AHNAK: variants seen among roughly 807,000 people sequenced by gnomAD.
The protein encoded by AHNAK is neuroblast differentiation-associated protein AHNAK.
A neutral mutation model predicts 37.8 loss-of-function variants in AHNAK; 23 were observed. The observed-to-expected ratio is 0.61, with a 90% CI of 0.44 to 0.86. AHNAK has a LOEUF of 0.86. Ranked by LOEUF, AHNAK falls within the 40% of genes least tolerant of loss-of-function variation. The pLI, the probability that AHNAK is intolerant of heterozygous loss-of-function variation, is 0.00. For missense variants in AHNAK, 7,411 were observed against 7,319.4 expected, an observed-to-expected ratio of 1.01 and a Z score of -0.46; for synonymous variants, 2,481 against 2,636.3, an observed-to-expected ratio of 0.94 and a Z score of 1.80.
At chr11:62,439,665 ATTTT>A (rs34334316) in intron 5 of AHNAK, among the ~76,000 whole-genome samples, 23 of 83,300 alleles carry the variant, frequency 2.8e-4, no homozygotes, top group African/African-American at 7.4e-4. Flanking sequence ...TTTTTGTGTG[ATTTT>A]TTTTTTTTTT....
chr11:62,521,575 T>G lies in AHNAK; in HGVS notation c.12842A>C (p.Lys4281Thr). The G allele has an allele frequency of 1.9e-6, 3 of 1,611,412 alleles. No homozygotes were observed. The highest frequency in any genetic ancestry group is 2.5e-6 in the Non-Finnish European group (3 of 1,179,290). Reference sequence around the variant, plus strand: ...TGGGCCCTTGAGGTCACCTTCCACTTTAGGAAGGGAAACATCCACATCACC... The same window carrying G: ...TGGGCCCTTGAGGTCACCTTCCACTGTAGGAAGGGAAACATCCACATCACC... ...VKGDVDVSLPKVEGDLKGPEV... is the reference protein window; with the variant it reads ...VKGDVDVSLPTVEGDLKGPEV... The change falls in exon 5 of 5, where the codon AAA (lysine) becomes ACA (threonine). Residue 4281 changes from lysine (K) to threonine (T), a missense_variant. By Grantham distance (78) the Lys-to-Thr change is moderately conservative. Transcript: ENST00000378024.
Position 62,517,326 on chromosome 11 carries a change from G to T in AHNAK, c.17091C>A (p.Asp5697Glu). Reference protein sequence around the residue: ...AEASIQAGAGDGEWEESEVKL... With the variant: ...AEASIQAGAGEGEWEESEVKL... The stretch of plus-strand genomic sequence containing the variant: ...TGACTTCAGACTCTTCCCACTCGCC[G>T]TCTCCAGCACCAGCTTGGATGCTGG... Residue 5697 changes from aspartate to glutamate, a missense_variant, in exon 5 of 5, where the codon GAC (aspartate) becomes GAA (glutamate). Transcript: ENST00000378024. 6.2e-7 allele frequency: 1 copy of T among 1,614,142 alleles called. No individual in the cohort carries two copies.
intron 5 of AHNAK, among the ~76,000 whole-genome samples, chr11:62,455,351 T>G (rs1366414466): frequency 6.6e-6 from 1 of 152,012 alleles, no homozygotes; most frequent in South Asian, 2.1e-4. Context: ...CTGGGCTGAC[T>G]GGCAGCGCAG....
In AHNAK at chr11:62,532,609, A is replaced by C. The variant is rs1342252586; in HGVS notation, c.1808T>G (p.Val603Gly). Reference sequence around the variant, plus strand: ...ATCCACTTTGGGGCCTCTGACATCAACTTCAGGGACTTTGACTTTCCCTTC... The same window carrying C: ...ATCCACTTTGGGGCCTCTGACATCACCTTCAGGGACTTTGACTTTCCCTTC... ...RVEGKVKVPEVDVRGPKVDVS... is the reference protein window; with the variant it reads ...RVEGKVKVPEGDVRGPKVDVS... Residue 603 changes from valine to glycine, a missense_variant, in exon 5 of 5, where the codon GTT (valine) becomes GGT (glycine). Val to Gly is a moderately radical substitution (Grantham distance 109, BLOSUM62 -3). Coordinates refer to ENST00000378024, the MANE Select transcript of AHNAK (RefSeq NM_001620.3). The C allele has an allele frequency of 2.5e-6, 4 of 1,614,068 alleles. No homozygotes were observed. The highest frequency in any genetic ancestry group is 3.4e-6 in the Non-Finnish European group (4 of 1,180,010).
chr11:62,441,751 C>G (rs1938310930), intron 5 of AHNAK, among the ~76,000 whole-genome samples: 1 of 152,102 alleles, frequency 6.6e-6, no homozygotes, highest in Admixed American at 6.6e-5. Context: ...ATCCACCCAC[C>G]TCGGCCTCCC....
chr11:62,530,350 T>G lies in AHNAK; in HGVS notation c.4067A>C (p.Asp1356Ala). Residue 1356 changes from aspartate to alanine, a missense_variant, in exon 5 of 5, where the codon GAT (aspartate) becomes GCT (alanine). Physicochemically the swap from Asp to Ala is moderately radical, Grantham distance 126. Transcript: ENST00000378024. The stretch of plus-strand genomic sequence containing the variant: ...AACTTTGGGCCCTTTAATGTCAACA[T>G]CTGGCACTTTCATTTCACCTTCTAC... Reference protein sequence around the residue: ...PEVEGEMKVPDVDIKGPKVDI... With the variant: ...PEVEGEMKVPAVDIKGPKVDI... 2 of 1,613,890 alleles carry G rather than the reference T, an allele frequency of 1.2e-6. No individual in the cohort carries two copies. Among genetic ancestry groups the G allele is most frequent in the Non-Finnish European group, 1.7e-6 (2 of 1,179,992 alleles).
intron 5 of AHNAK, among the ~76,000 whole-genome samples, chr11:62,438,577 A>G (rs941218509): frequency 6.6e-6 from 1 of 152,040 alleles, no homozygotes; most frequent in Non-Finnish European, 1.5e-5. Context: ...AGACATATGT[A>G]TTGCAGATAT....
intron 5 of AHNAK, among the ~76,000 whole-genome samples, chr11:62,469,373 C>G (rs1938982318): frequency 6.6e-6 from 1 of 152,232 alleles, no homozygotes; most frequent in African/African-American, 2.4e-5. Flanking sequence ...CCACCTGCCT[C>G]AGCCTCCCAA....
Position 62,531,754 on chromosome 11 carries a change from G to C in AHNAK, c.2663C>G (p.Pro888Arg), listed in dbSNP as rs376883340. ...TTCTGGGCCCTCTGCTTTGAAGCCA[G>C]GCATGCTGAACTTGGGCATTTTCAT... The part of the protein sequence containing the change: ...PKMKMPKFSM[P>R]GFKAEGPEVD... The change falls in exon 5 of 5, where the codon CCT becomes CGT. Residue 888 changes from proline (P) to arginine (R), a missense_variant. Pro to Arg is a moderately radical substitution (Grantham distance 103). Transcript: ENST00000378024. 8.7e-6 allele frequency: 14 copies of C among 1,613,720 alleles called. No homozygotes were observed. Among genetic ancestry groups the C allele is most frequent in the Non-Finnish European group, 1.2e-5 (14 of 1,179,984 alleles).
At chr11:62,450,892 G>A (rs1348283335) in intron 5 of AHNAK, among the ~76,000 whole-genome samples, 2 of 152,240 alleles carry the variant, frequency 1.3e-5, no homozygotes, top group Non-Finnish European at 2.9e-5. Flanking sequence ...AGAGAAGGTG[G>A]GTGGCAAGCT....
chr11:62,433,965 G>T (rs552773910), intron 5 of AHNAK: 1 of 1,583,420 alleles, frequency 6.3e-7, no homozygotes, highest in African/African-American at 1.4e-5. Context: ...AAGATGGTTC[G>T]TTAACTTTGC....
intron 1 of AHNAK, among the ~76,000 whole-genome samples, chr11:62,542,667 C>G (rs1042683199): frequency 1.3e-5 from 2 of 152,196 alleles, no homozygotes; most frequent in Non-Finnish European, 2.9e-5. Context: ...CCCTCCCTGG[C>G]CAGGAGGGAC....
At chr11:62,482,022 A>T (rs1007506968) in intron 5 of AHNAK, among the ~76,000 whole-genome samples, 1 of 152,228 alleles carries the variant, frequency 6.6e-6, no homozygotes, top group Non-Finnish European at 1.5e-5. Context: ...TGGGTCAGCC[A>T]TGCTCACTCC....
rs1565228262 is a variant in AHNAK at position 62,521,846 on chromosome 11, C to T, written c.12571G>A (p.Val4191Met). 17 of 1,613,030 alleles carry T rather than the reference C, an allele frequency of 1.1e-5. No individual in the cohort carries two copies. Among genetic ancestry groups the T allele is most frequent in the Non-Finnish European group, 1.4e-5 (17 of 1,179,838 alleles). ...GPDWHLKMPK[V>M]KMPKFSMPGF... ...GGCATGCTGAACTTGGGCATTTTCA[C>T]TTTGGGCATTTTTAAGTGCCAGTCT... The change falls in exon 5 of 5, where the codon GTG becomes ATG. Residue 4191 changes from valine (V) to methionine (M), a missense_variant. Coordinates refer to ENST00000378024, the MANE Select transcript of AHNAK (RefSeq NM_001620.3).
rs952118412 is a variant in AHNAK at position 62,450,673 on chromosome 11, C to T, written c.443-16782G>A. On this transcript the variant is annotated intron_variant, in intron 5 of 5. Coordinates refer to the AHNAK transcript ENST00000257247. ...CAGACCTCCAAGCCTCTGCTCCCAC[C>T]GTCTCCCTTGCCTGCAATACCCTCC... Among the ~76,000 whole-genome samples, 10 of 152,346 alleles carry T rather than the reference C, an allele frequency of 6.6e-5. No individual in the cohort carries two copies. The East Asian group carries it at 7.7e-4, about 12-fold the overall frequency.
chr11:62,530,406 C>T lies in AHNAK; in HGVS notation c.4011G>A (p.Leu1337=), dbSNP rs1391536806. Residue 1337 remains leucine, a synonymous_variant, in exon 5 of 5, where the codon TTG becomes TTA. Transcript: ENST00000378024. ...GCAAGGACACATCCACATCTCCCTT[C>T]AATTTTGGCCCCTTAAGATTCAGGT... ...DVDLNLKGPK[L]KGDVDVSLPE... is the part of the protein sequence containing the mutation. 9 of 1,613,944 alleles carry T rather than the reference C, an allele frequency of 5.6e-6. No individual in the cohort carries two copies. The highest frequency in any genetic ancestry group is 4.4e-5 in the South Asian group (4 of 91,066).
chr11:62,525,971 C>G lies in AHNAK; in HGVS notation c.8446G>C (p.Gly2816Arg), dbSNP rs778155917. The G allele has an allele frequency of 6.2e-7, 1 of 1,614,064 alleles. No individual in the cohort carries two copies. The highest frequency in any genetic ancestry group is 8.5e-7 in the Non-Finnish European group (1 of 1,180,024). ...CPDVNIEGPE[G>R]KWKSPKFKMP... ...TTAAACTTTGGACTTTTCCACTTTCCTTCAGGTCCTTCGATATTCACATCG... is the reference window on the plus strand; with the variant it reads ...TTAAACTTTGGACTTTTCCACTTTCGTTCAGGTCCTTCGATATTCACATCG... Residue 2816 changes from glycine to arginine, a missense_variant, in exon 5 of 5, where the codon GGA (glycine) becomes CGA (arginine). Transcript: ENST00000378024.
At chr11:62,504,375 TAAATTCCTAGAATTTATTTTCTA>T (rs2134176560) in intron 4 of AHNAK, among the ~76,000 whole-genome samples, 1 of 152,186 alleles carries the variant, frequency 6.6e-6, no homozygotes, top group African/African-American at 2.4e-5. Context: ...CTCCTGCAGC[TAAATTCCTAGAATTTATTTTCTA>T]GGAATTTTTC....
rs773980463 is a variant in AHNAK at position 62,526,765 on chromosome 11, G to A, written c.7652C>T (p.Pro2551Leu). The A allele has an allele frequency of 6.8e-6, 11 of 1,613,924 alleles. No individual in the cohort carries two copies. The highest frequency in any genetic ancestry group is 9.3e-6 in the Non-Finnish European group (11 of 1,179,998). ...CTCTGGTCCTTCAATATTAACATCA[G>A]GGCCTTCAATGTCCACCTTGGGTCC... ...ISGPKVDIEG[P>L]DVNIEGPEGK... The change falls in exon 5 of 5, where the codon CCT becomes CTT. Residue 2551 changes from proline to leucine, a missense_variant. Transcript: ENST00000378024.
Sources: gnomAD v4.1 joint callset for allele counts (sites outside exome capture counted in the v4.1 genomes callset) on GRCh38, gnomAD v4.1.1 for gene constraint, MANE v1.5 for transcripts, NCBI Gene and HGNC (gene_info 2026-07-23, HGNC 2026-07-21) for gene names.